The following SPTA1 variants were observed in gnomAD, a reference collection of about 807,000 sequenced individuals.
SPTA1 encodes spectrin alpha, erythrocytic 1, also known as spectrin alpha chain, erythrocytic 1.
A neutral mutation model predicts 324.7 loss-of-function variants in SPTA1; 177 were observed. The ratio of observed to expected loss-of-function variants is 0.55; its 90% CI spans 0.48 to 0.62. SPTA1 has a LOEUF of 0.62. Ranked by LOEUF, SPTA1 falls within the 20% of genes least tolerant of loss-of-function variation. SPTA1 has a pLI of 0.00. For missense variants in SPTA1, 3,162 were observed against 2,883.6 expected, an observed-to-expected ratio of 1.10 and a Z score of -2.21; for synonymous variants, 1,195 against 1,041.3, an observed-to-expected ratio of 1.15 and a Z score of -2.84.
In SPTA1 at chr1:158,639,586, C is replaced by T. The variant is rs768976264; in HGVS notation, c.4976G>A (p.Arg1659Gln). The T allele has an allele frequency of 6.2e-6, 10 of 1,613,608 alleles. No individual in the cohort carries two copies. In the East Asian group the frequency reaches 8.9e-5, roughly 14 times the overall value. The change falls in exon 35 of 52, where the codon CGA becomes CAA. Residue 1659 changes from arginine (R) to glutamine (Q), a missense_variant. Coordinates refer to ENST00000643759, the MANE Select transcript of SPTA1 (RefSeq NM_003126.4). ...HQLLEREMLA[R>Q]EDALKDLNTL... ...AGGGATGCCAACACTACTTACCTCTCGAGCCAACATCTCTCTCTCCAATAG... is the reference window on the plus strand; with the variant it reads ...AGGGATGCCAACACTACTTACCTCTTGAGCCAACATCTCTCTCTCCAATAG...
Position 158,669,930 on chromosome 1 carries a change from G to A in SPTA1, c.1600-144C>T, listed in dbSNP as rs929133168. 1.7e-5 allele frequency: 13 copies of A among 771,622 alleles called. No individual in the cohort carries two copies. The Admixed American group carries it at 2.2e-4, about 13-fold the overall frequency. The allele number at this position is 771,622 out of a possible 1,614,324, so 47.8% of individuals were successfully genotyped here. A position where few individuals can be genotyped will look rare whatever the true frequency, so the allele number is the denominator to read the frequency against. ...CCAGCAGATGTAAGTCCTTATTCAG[G>A]TTTCTGTTATAAATTGTATTTCAAA... On this transcript the variant is annotated intron_variant, in intron 12 of 51. Coordinates refer to ENST00000643759, the MANE Select transcript of SPTA1 (RefSeq NM_003126.4).
At chr1:158,674,208 T>C (rs1571513233) in intron 10 of SPTA1, 121 bp downstream of exon 10, 1 of 1,055,548 alleles carries the variant, frequency 9.5e-7, no homozygotes, top group South Asian at 1.3e-5. Flanking sequence ...TTGATTCATA[T>C]TATTAACACG....
intron 2 of SPTA1, 131 bp downstream of exon 2, chr1:158,684,977 A>G (rs1457575521): frequency 2.7e-6 from 3 of 1,103,834 alleles, no homozygotes; most frequent in African/African-American, 1.6e-5. Context: ...CACTCCACTG[A>G]CTTATTTTTG....
intron 40 of SPTA1, 136 bp downstream of exon 40, chr1:158,627,489 G>T: frequency 1.2e-6 from 1 of 838,850 alleles, no homozygotes; most frequent in Non-Finnish European, 2.0e-6. Context: ...ACAACAAAAG[G>T]CAGTTTAGAA....
intron 39 of SPTA1, 98 bp from the exon 40 acceptor site, chr1:158,627,821 T>G (rs1650378792): frequency 8.3e-7 from 1 of 1,203,180 alleles, no homozygotes; most frequent in African/African-American, 1.5e-5. Context: ...CTAGGGTTGA[T>G]TCAATGAAAT....
At chr1:158,642,273 A>C (rs1166877363) in intron 33 of SPTA1, 138 bp downstream of exon 33, 1 of 889,920 alleles carries the variant, frequency 1.1e-6, no homozygotes, top group East Asian at 5.0e-5. Flanking sequence ...ACAAACCTGC[A>C]CATTGTGCAC....
chr1:158,674,479 T>C (rs1295282173), intron 9 of SPTA1, 49 bp from the exon 10 acceptor site: 18 of 1,613,958 alleles, frequency 1.1e-5, no homozygotes, highest in Non-Finnish European at 1.4e-5. Flanking sequence ...AAACCTGGCA[T>C]TTCTGGCATT....
At chr1:158,675,243 C>G (rs1183842885) in intron 8 of SPTA1, among the ~76,000 whole-genome samples, 1 of 152,088 alleles carries the variant, frequency 6.6e-6, no homozygotes, top group Non-Finnish European at 1.5e-5. Context: ...TGAAATGATG[C>G]CTGATTATTA....
At chr1:158,630,669 A>G (rs1046108369) in intron 39 of SPTA1, among the ~76,000 whole-genome samples, 3 of 152,116 alleles carry the variant, frequency 2.0e-5, no homozygotes, top group African/African-American at 7.2e-5. Flanking sequence ...ACTTCTGCAC[A>G]GCAAAGGAAA....
intron 10 of SPTA1, among the ~76,000 whole-genome samples, chr1:158,672,984 T>C (rs983534005): frequency 5.9e-5 from 9 of 151,334 alleles, no homozygotes; most frequent in Non-Finnish European, 1.0e-4. Flanking sequence ...TAGCCGGATG[T>C]GGTGGTGCGC....
chr1:158,612,094 G>C (rs1006420467), intron 51 of SPTA1: 1 of 154,248 alleles, frequency 6.5e-6, no homozygotes, highest in African/African-American at 2.4e-5. Flanking sequence ...TTTGTAATCT[G>C]GTTTCTGCTT....
chr1:158,612,707 G>GA (rs796759062), intron 51 of SPTA1, 110 bp downstream of exon 51: 85,817 of 867,058 alleles, frequency 0.099, 11 homozygotes, highest in East Asian at 0.12. Context: ...GGGGAGGTCT[G>GA]AAAAAAAAAA....
chr1:158,654,100 A>G (rs1289913367), intron 21 of SPTA1, among the ~76,000 whole-genome samples: 2 of 152,226 alleles, frequency 1.3e-5, no homozygotes, highest in African/African-American at 2.4e-5. Flanking sequence ...GTATCAGAGT[A>G]TAAAAAATTA....
At chr1:158,639,206 A>T (rs887240599) in intron 35 of SPTA1, 10 of 260,700 alleles carry the variant, frequency 3.8e-5, no homozygotes, top group African/African-American at 2.2e-4. Context: ...GTTCATCTTC[A>T]TTTCACATGC....
intron 15 of SPTA1, 108 bp downstream of exon 15, chr1:158,667,750 A>T (rs1423008268): frequency 5.1e-6 from 6 of 1,176,076 alleles, no homozygotes; most frequent in Non-Finnish European, 7.3e-6. Flanking sequence ...GCAAATGAGT[A>T]GTATACCTTC....
chr1:158,677,551 G>A (rs868114163), intron 7 of SPTA1, 139 bp downstream of exon 7: 63 of 958,650 alleles, frequency 6.6e-5, no homozygotes, highest in African/African-American at 3.2e-4. Flanking sequence ...ATGAAGAAGC[G>A]TATTCAAGTG....
At chr1:158,673,486 C>G (rs1460927340) in intron 10 of SPTA1, among the ~76,000 whole-genome samples, 4 of 152,178 alleles carry the variant, frequency 2.6e-5, no homozygotes, top group Admixed American at 6.5e-5. Context: ...TTTCTTCATT[C>G]AGTGGAATGC....
Position 158,653,547 on chromosome 1 carries a change from T to C in SPTA1, c.3037-122A>G, listed in dbSNP as rs190817679. 1.5e-5 allele frequency: 19 copies of C among 1,296,508 alleles called. No homozygotes were observed. In the African/African-American group the frequency reaches 1.9e-4, roughly 13 times the overall value. 80.3% of individuals were successfully genotyped at this position (1,296,508 alleles called of 1,614,324 possible). On this transcript the variant is annotated intron_variant, in intron 21 of 51. Transcript: ENST00000643759. Reference sequence around the variant, plus strand: ...TAATGGCAAAGATAAGCTAACCATGTCTAATGAGTGGCACATAATTTTCAT... The same window carrying C: ...TAATGGCAAAGATAAGCTAACCATGCCTAATGAGTGGCACATAATTTTCAT...
At position 158,642,941 on chromosome 1, in the gene SPTA1, C is replaced by A; in HGVS notation, c.4478G>T (p.Arg1493Leu). The change falls in exon 32 of 52, where the codon CGG (arginine) becomes CTG (leucine). Residue 1493 changes from arginine (R) to leucine (L), a missense_variant. By Grantham distance (102) the Arg-to-Leu change is moderately radical. Coordinates refer to ENST00000643759, the MANE Select transcript of SPTA1 (RefSeq NM_003126.4). ...GTTGGCATAGTCTCCAAGCTTTGTCCGCTCATCAATCAGTTGTGCTTTGAG... is the reference window on the plus strand; with the variant it reads ...GTTGGCATAGTCTCCAAGCTTTGTCAGCTCATCAATCAGTTGTGCTTTGAG... ...KALKAQLIDE[R>L]TKLGDYANLK... 3 of 1,613,626 alleles carry A rather than the reference C, an allele frequency of 1.9e-6. No individual in the cohort carries two copies. Among genetic ancestry groups the A allele is most frequent in the Non-Finnish European group, 2.5e-6 (3 of 1,179,756 alleles).
Sources: gnomAD v4.1 joint callset for allele counts (sites outside exome capture counted in the v4.1 genomes callset) on GRCh38, gnomAD v4.1.1 for gene constraint, MANE v1.5 for transcripts, NCBI Gene and HGNC (gene_info 2026-07-23, HGNC 2026-07-21) for gene names.